Variants in ZNF667 observed in about 807,000 individuals in gnomAD.
ZNF667 encodes zinc finger protein 667.
In ZNF667, 13 loss-of-function variants were observed where a neutral mutation model predicts 31.8. That is an observed-to-expected ratio of 0.41 (90% CI 0.27 to 0.65). The LOEUF is 0.65. Among genes scored for constraint, ZNF667 ranks in the 30% least tolerant of loss-of-function variants. The pLI is 0.32. For synonymous variants in ZNF667, 228 were observed against 247.1 expected (o/e 0.92, Z 0.73); for missense variants, 642 against 725.6 (o/e 0.88, Z 1.32).
chr19:56,443,350 G>A (rs929316741), intron 6 of ZNF667, among the ~76,000 whole-genome samples: 1 of 152,106 alleles, frequency 6.6e-6, no homozygotes, highest in Admixed American at 6.5e-5. Flanking sequence ...GTACAGTCAC[G>A]GGTTGCTTAA....
At position 56,441,775 on chromosome 19, in the gene ZNF667, A is replaced by T; in HGVS notation, c.1220T>A (p.Val407Asp). ...RHSSLIQHQK[V>D]HTKKKKLFEC... ...AAATAGTTTCTTTTTCTTTGTATGA[A>T]CTTTCTGATGTTGAATAAGGGATGA... is the stretch of plus-strand genomic sequence containing the variant. The change falls in exon 7 of 7, where the codon GTT (valine) becomes GAT (aspartate). Residue 407 changes from valine to aspartate, a missense_variant. Val to Asp is a radical substitution (Grantham distance 152, BLOSUM62 -3). Coordinates refer to ENST00000504904, the MANE Select transcript of ZNF667 (RefSeq NM_001321356.2). This position sits in a 1 kb window ranked among gnomAD's most constrained non-coding sequence, Gnocchi z 4.2. The T allele has an allele frequency of 6.2e-7, 1 of 1,614,016 alleles. No homozygotes were observed. Among genetic ancestry groups the T allele is most frequent in the Non-Finnish European group, 8.5e-7 (1 of 1,180,002 alleles).
intron 6 of ZNF667, among the ~76,000 whole-genome samples, chr19:56,454,075 C>T (rs2042886500): frequency 6.6e-6 from 1 of 152,042 alleles, no homozygotes; most frequent in Admixed American, 6.6e-5. Flanking sequence ...ATCAAGTAAT[C>T]CCATTTACAA....
At chr19:56,451,558 A>G (rs2042822659) in intron 6 of ZNF667, among the ~76,000 whole-genome samples, 1 of 152,186 alleles carries the variant, frequency 6.6e-6, no homozygotes, top group Admixed American at 6.5e-5. Flanking sequence ...ATATTAGGAC[A>G]CAAGACAAGT....
chr19:56,474,461 C>T (rs556044054), intron 1 of ZNF667: 16 of 152,396 alleles, frequency 1.0e-4, no homozygotes, highest in Admixed American at 1.0e-3. Flanking sequence ...AGGAAGAACA[C>T]AGGCTATGCA....
Position 56,441,837 on chromosome 19 carries a change from G to A in ZNF667, c.1158C>T (p.Tyr386=). The change falls in exon 7 of 7, where the codon TAC becomes TAT. Residue 386 remains tyrosine (Y), a synonymous_variant. Coordinates refer to ENST00000504904, the MANE Select transcript of ZNF667 (RefSeq NM_001321356.2). The surrounding 1 kb of genome is among the most constrained non-coding windows in gnomAD (Gnocchi z 4.2). ...HLRIHNGEKL[Y]RCNKCEKVCN... ...AGACCTTCTCACATTTATTGCATCT[G>A]TATAGTTTTTCTCCATTATGAATTC... The A allele has an allele frequency of 6.2e-7, 1 of 1,614,090 alleles. No individual in the cohort carries two copies. The highest frequency in any genetic ancestry group is 1.3e-5 in the African/African-American group (1 of 75,030).
At chr19:56,465,586 A>T (rs1259324480) in intron 3 of ZNF667, among the ~76,000 whole-genome samples, 1 of 152,248 alleles carries the variant, frequency 6.6e-6, no homozygotes, top group African/African-American at 2.4e-5. Flanking sequence ...CGTTTTCCAG[A>T]TGGGAAGGTG....
At chr19:56,471,194 G>T (rs560595660) in intron 3 of ZNF667, among the ~76,000 whole-genome samples, 1 of 152,030 alleles carries the variant, frequency 6.6e-6, no homozygotes, top group South Asian at 2.1e-4. Flanking sequence ...CACCATGTAA[G>T]ACACCTCCTC....
At chr19:56,454,879 G>A (rs987168826) in intron 6 of ZNF667, among the ~76,000 whole-genome samples, 6 of 151,906 alleles carry the variant, frequency 3.9e-5, no homozygotes, top group African/African-American at 1.4e-4. Context: ...TCAACAAAGT[G>A]AAGAGACAAT....
chr19:56,442,259 T>C lies in ZNF667; in HGVS notation c.736A>G (p.Ile246Val). The C allele has an allele frequency of 6.2e-7, 1 of 1,614,160 alleles. No homozygotes were observed. Residue 246 changes from isoleucine (I) to valine (V), a missense_variant, in exon 7 of 7, where the codon ATT becomes GTT. Coordinates refer to ENST00000504904, the MANE Select transcript of ZNF667 (RefSeq NM_001321356.2). Reference sequence around the variant, plus strand: ...TGGCAGACATTCCCAACAACATGAATTTTCTGATGTATATTGAAAGACTGA... The same window carrying C: ...TGGCAGACATTCCCAACAACATGAACTTTCTGATGTATATTGAAAGACTGA... ...QCQSFNIHQKIHVVGNVCQCR... is the reference protein window; with the variant it reads ...QCQSFNIHQKVHVVGNVCQCR...
At chr19:56,469,545 C>T (rs2043241400) in intron 3 of ZNF667, among the ~76,000 whole-genome samples, 1 of 152,162 alleles carries the variant, frequency 6.6e-6, no homozygotes, top group Non-Finnish European at 1.5e-5. Context: ...CATGCCAGTG[C>T]CTCCCTGCTA....
intron 6 of ZNF667, among the ~76,000 whole-genome samples, chr19:56,453,049 C>G (rs2042866831): frequency 6.6e-6 from 1 of 151,986 alleles, no homozygotes; most frequent in African/African-American, 2.4e-5. Flanking sequence ...ATGATTGCAA[C>G]TGATACTACA....
intron 6 of ZNF667, among the ~76,000 whole-genome samples, chr19:56,453,744 A>C (rs2042881369): frequency 6.6e-6 from 1 of 152,232 alleles, no homozygotes; most frequent in East Asian, 1.9e-4. Context: ...TGGAAAAAAA[A>C]CCTGAAAGCC....
intron 5 of ZNF667, among the ~76,000 whole-genome samples, chr19:56,458,990 G>C (rs2042990246): frequency 6.6e-6 from 1 of 152,128 alleles, no homozygotes. Context: ...TCTGAAGTAG[G>C]GGACAGTCCT....
In ZNF667 at chr19:56,442,736, C is replaced by A; in HGVS notation, c.259G>T (p.Gly87Trp). 1 of 1,561,170 alleles carries A rather than the reference C, an allele frequency of 6.4e-7. No individual in the cohort carries two copies. Among genetic ancestry groups the A allele is most frequent in the Admixed American group, 2.0e-5 (1 of 51,134 alleles). ...PVRRRRAPDS[G>W]SKCETKKLPP... The stretch of plus-strand genomic sequence containing the variant: ...AACTTCTTGGTCTCACATTTAGACC[C>A]CGAGTCTGAAAGACATAAAGGAATT... The change falls in exon 7 of 7, where the codon GGG (glycine) becomes TGG (tryptophan). Residue 87 changes from glycine to tryptophan, a missense_variant. Transcript: ENST00000504904.
chr19:56,461,545 C>G (rs2043045092), intron 4 of ZNF667, among the ~76,000 whole-genome samples: 1 of 152,194 alleles, frequency 6.6e-6, no homozygotes, highest in Admixed American at 6.5e-5. Flanking sequence ...GATTTCAGCC[C>G]TGTGAACTCC....
intron 2 of ZNF667, among the ~76,000 whole-genome samples, chr19:56,473,529 T>C (rs1027666736): frequency 1.3e-5 from 2 of 152,158 alleles, no homozygotes; most frequent in African/African-American, 4.8e-5. Context: ...AGTAGAACCA[T>C]AGTAGTGATT....
chr19:56,477,491 C>G (rs779824397), upstream of ZNF667: 1 of 152,398 alleles, frequency 6.6e-6, no homozygotes, highest in Non-Finnish European at 1.5e-5. Context: ...GGCCTGAGGC[C>G]CCGACCCCTC....
Position 56,460,761 on chromosome 19 carries a change from A to G in ZNF667, c.88T>C (p.Trp30Arg), listed in dbSNP as rs147924328. Reference sequence around the variant, plus strand: ...AAATCCTTCTGAATGGGGCTCAGCCATTCCCACTCCTCCTGGGAGAAGTAG... The same window carrying G: ...AAATCCTTCTGAATGGGGCTCAGCCGTTCCCACTCCTCCTGGGAGAAGTAG... The part of the protein sequence containing the change: ...AIYFSQEEWE[W>R]LSPIQKDLYE... The change falls in exon 5 of 7, where the codon TGG (tryptophan) becomes CGG (arginine). Residue 30 changes from tryptophan (W) to arginine (R), a missense_variant. Transcript: ENST00000504904. 416 of 1,612,608 alleles carry G rather than the reference A, an allele frequency of 2.6e-4. No homozygotes were observed. Among genetic ancestry groups the G allele is most frequent in the Non-Finnish European group, 3.4e-4 (406 of 1,179,550 alleles).
intron 3 of ZNF667, among the ~76,000 whole-genome samples, chr19:56,467,218 G>A (rs1412294201): frequency 1.3e-5 from 2 of 152,094 alleles, no homozygotes; most frequent in African/African-American, 4.8e-5. Context: ...TGAGGGCACT[G>A]TGGGCATTAG....
Sources: allele counts gnomAD v4.1 joint callset (sites outside exome capture counted in the v4.1 genomes callset), GRCh38; gene constraint gnomAD v4.1.1; non-coding constraint Gnocchi (gnomAD v3.1); transcripts MANE v1.5; gene names NCBI Gene and HGNC (gene_info 2026-07-23, HGNC 2026-07-21).